Variants in C6 observed in about 807,000 individuals in gnomAD.
The protein encoded by C6 is complement component C6.
In C6, 101 loss-of-function variants were observed where a neutral mutation model predicts 112.9. The observed-to-expected ratio is 0.89, with a 90% CI of 0.76 to 1.06. C6 has a LOEUF of 1.06. Ranked by LOEUF, C6 falls within the 50% of genes least tolerant of loss-of-function variation. The pLI is 0.00. For synonymous variants in C6, 431 were observed against 384.1 expected, an observed-to-expected ratio of 1.12 and a Z score of -1.43; for missense variants, 1,202 against 1,104.6, an observed-to-expected ratio of 1.09 and a Z score of -1.25.
At chr5:41,217,233 A>G (rs1213563703), upstream of C6, among the ~76,000 whole-genome samples, 2 of 152,078 alleles carry the variant, frequency 1.3e-5, no homozygotes, top group Admixed American at 6.6e-5. Context: ...CTTTAAACAT[A>G]TGAATCTCTT....
At chr5:41,186,481 T>G in intron 5 of C6, 1 of 403,734 alleles carries the variant, frequency 2.5e-6, no homozygotes, top group Non-Finnish European at 4.5e-6. Flanking sequence ...AAATCTGGAT[T>G]TATAATTTTT....
intron 1 of C6, among the ~76,000 whole-genome samples, chr5:41,205,732 C>G (rs1000306527): frequency 6.6e-6 from 1 of 152,326 alleles, no homozygotes; most frequent in Admixed American, 6.5e-5. Context: ...AATCTCGAAC[C>G]TGGTGGAGCC....
chr5:41,158,857 G>T, intron 12 of C6, 72 bp from the exon 13 acceptor site: 2 of 992,622 alleles, frequency 2.0e-6, no homozygotes, highest in South Asian at 2.6e-5. Flanking sequence ...ATATGCTTAT[G>T]TGTATACATG....
intron 1 of C6, among the ~76,000 whole-genome samples, chr5:41,233,555 C>T (rs1042617625): frequency 1.5e-4 from 23 of 152,020 alleles, no homozygotes; most frequent in Admixed American, 1.1e-3. Context: ...AAAGCTAAAA[C>T]GAGATGCAGC....
chr5:41,174,027 C>T (rs1273423085), intron 8 of C6, among the ~76,000 whole-genome samples: 1 of 152,060 alleles, frequency 6.6e-6, no homozygotes, highest in African/African-American at 2.4e-5. Context: ...TCTTTAGGCT[C>T]TTATTATTTA....
chr5:41,175,581 G>A (rs1748770640), intron 8 of C6, among the ~76,000 whole-genome samples: 1 of 152,188 alleles, frequency 6.6e-6, no homozygotes, highest in African/African-American at 2.4e-5. Flanking sequence ...GTTGATTAAA[G>A]ATTCACCCAG....
At chr5:41,259,535 ATC>A (rs1741914174) in intron 1 of C6, among the ~76,000 whole-genome samples, 1 of 138,198 alleles carries the variant, frequency 7.2e-6, no homozygotes, top group African/African-American at 2.7e-5. Flanking sequence ...AAAAAAAAAA[ATC>A]TCTGTTTTCT....
At chr5:41,158,989 T>C in intron 12 of C6, 93 bp downstream of exon 12, 4 of 1,434,718 alleles carry the variant, frequency 2.8e-6, no homozygotes, top group Non-Finnish European at 3.9e-6. Flanking sequence ...TAATTATTTC[T>C]TTACTTAGCA....
chr5:41,228,462 A>G (rs1739667841), intron 1 of C6, among the ~76,000 whole-genome samples: 1 of 152,164 alleles, frequency 6.6e-6, no homozygotes, highest in Non-Finnish European at 1.5e-5. Context: ...TCTCTTGCTT[A>G]ATTGCTCTGG....
intron 1 of C6, among the ~76,000 whole-genome samples, chr5:41,228,104 G>T (rs1299083220): frequency 6.6e-6 from 1 of 151,816 alleles, no homozygotes; most frequent in Non-Finnish European, 1.5e-5. Context: ...TTATAACATG[G>T]GATATCTTTC....
chr5:41,150,893 A>G (rs1746330748), intron 15 of C6, among the ~76,000 whole-genome samples: 1 of 151,960 alleles, frequency 6.6e-6, no homozygotes, highest in African/African-American at 2.4e-5. Flanking sequence ...CTAAAAAAAA[A>G]AAAAAAAGGC....
intron 5 of C6, among the ~76,000 whole-genome samples, chr5:41,188,653 G>GA (rs148524045): frequency 0.022 from 3,295 of 151,994 alleles, 118 homozygotes; most frequent in African/African-American, 0.076. Context: ...TTTAAGAGCT[G>GA]AAACTATAGA....
At chr5:41,164,310 G>C (rs1747797237) in intron 9 of C6, among the ~76,000 whole-genome samples, 1 of 152,170 alleles carries the variant, frequency 6.6e-6, no homozygotes, top group Admixed American at 6.5e-5. Context: ...CATGTTCCTG[G>C]AAGGAAAGGT....
Position 41,201,644 on chromosome 5 carries a change from C to T in C6, c.214G>A (p.Glu72Lys), listed in dbSNP as rs909341673. 1.9e-6 allele frequency: 3 copies of T among 1,613,540 alleles called. No individual in the cohort carries two copies. The highest frequency in any genetic ancestry group is 2.5e-6 in the Non-Finnish European group (3 of 1,179,858). ...ATGGGGCATCTTTGCCAGTTACATT[C>T]TCTAGTCTCCTGCTTGCTGCAAATC... ...EQICSKQETR[E>K]CNWQRCPINC... Residue 72 changes from glutamate (E) to lysine (K), a missense_variant, in exon 3 of 18, where the codon GAA (glutamate) becomes AAA (lysine). Transcript: ENST00000337836.
At chr5:41,143,343 A>G (rs542385369) in intron 17 of C6, among the ~76,000 whole-genome samples, 1 of 152,240 alleles carries the variant, frequency 6.6e-6, no homozygotes, top group South Asian at 2.1e-4. Flanking sequence ...ACATCCAATG[A>G]GGATTTGCAC....
chr5:41,253,951 T>G lies in C6; in HGVS notation c.-21+7243A>C, dbSNP rs189911808. On this transcript the variant is annotated intron_variant, in intron 1 of 17. Coordinates refer to the C6 transcript ENST00000263413. ...TGGGATTTTATAACATTCCAAGTTC[T>G]CTAAGTATAGATCCCAACCTTAAAA... is the stretch of plus-strand genomic sequence containing the variant. Among the ~76,000 whole-genome samples the G allele has an allele frequency of 4.2e-3, 635 of 152,342 alleles. 5 individuals are homozygous for G. Among genetic ancestry groups the G allele is most frequent in the African/African-American group, 0.015 (606 of 41,570 alleles).
intron 1 of C6, among the ~76,000 whole-genome samples, chr5:41,233,783 T>C (rs1740055382): frequency 6.6e-6 from 1 of 152,092 alleles, no homozygotes; most frequent in Non-Finnish European, 1.5e-5. Context: ...AAAATCCAAA[T>C]GAGACCTGAT....
intron 1 of C6, among the ~76,000 whole-genome samples, chr5:41,252,405 G>A (rs1360543545): frequency 3.3e-5 from 5 of 152,108 alleles, no homozygotes; most frequent in African/African-American, 1.2e-4. Context: ...TCCCTTTGGA[G>A]TTGAGGCAAA....
intron 1 of C6, among the ~76,000 whole-genome samples, chr5:41,254,053 A>G (rs1216374089): frequency 6.6e-6 from 1 of 152,208 alleles, no homozygotes; most frequent in Non-Finnish European, 1.5e-5. Context: ...ACTTATGTAT[A>G]AAAGTACGTT....
Sources: allele counts gnomAD v4.1 joint callset (sites outside exome capture counted in the v4.1 genomes callset), GRCh38; gene constraint gnomAD v4.1.1; transcripts MANE v1.5; gene names NCBI Gene and HGNC (gene_info 2026-07-23, HGNC 2026-07-21).